The following NEMP2 variants were observed in gnomAD, a reference collection of about 807,000 sequenced individuals.
The protein encoded by NEMP2 is nuclear envelope integral membrane protein 2.
Under a neutral mutation model 54.2 loss-of-function variants are expected in NEMP2, and 53 were observed. That is an observed-to-expected ratio of 0.98 (90% CI 0.78 to 1.23). The LOEUF is 1.23. Ranked by LOEUF, NEMP2 falls within the 50% of genes most tolerant of loss-of-function variation. NEMP2 has a pLI of 0.00. For synonymous variants in NEMP2, 197 were observed against 190.3 expected, an observed-to-expected ratio of 1.04 and a Z score of -0.29; for missense variants, 455 against 511.3, an observed-to-expected ratio of 0.89 and a Z score of 1.06.
At chr2:190,610,672 A>G in the NEMP2 span, 1 of 152,408 alleles carries the variant, frequency 6.6e-6, no homozygotes, top group East Asian at 1.9e-4. The surrounding 1 kb of genome is among the most constrained non-coding windows in gnomAD (Gnocchi z 5.4). Flanking sequence ...ATATTGCCAT[A>G]AATTAAGAAT....
At chr2:190,548,720 T>C in the NEMP2 span, among the ~76,000 whole-genome samples, 3 of 152,248 alleles carry the variant, frequency 2.0e-5, no homozygotes, top group East Asian at 5.8e-4. Context: ...TTTATATCTA[T>C]CATGAAGTAA....
At chr2:190,442,803 T>G in the NEMP2 span, 2 of 152,094 alleles carry the variant, frequency 1.3e-5, no homozygotes, top group Non-Finnish European at 2.9e-5. Context: ...TGACACAATA[T>G]TGTAAGTCTG....
At chr2:190,431,306 G>A in the NEMP2 span, among the ~76,000 whole-genome samples, 3 of 152,072 alleles carry the variant, frequency 2.0e-5, no homozygotes, top group Non-Finnish European at 4.4e-5. This position sits in a 1 kb window ranked among gnomAD's most constrained non-coding sequence, Gnocchi z 4.4. Context: ...ACGGGGTGGC[G>A]GCCGGGCAGA....
the NEMP2 span, among the ~76,000 whole-genome samples, chr2:190,612,539 C>T: frequency 5.3e-5 from 8 of 152,108 alleles, no homozygotes; most frequent in Admixed American, 4.6e-4. Context: ...AATATCTTTT[C>T]TTTAATACCT....
chr2:190,524,604 AC>A (rs1690866843), intron 2 of NEMP2, among the ~76,000 whole-genome samples: 1 of 152,068 alleles, frequency 6.6e-6, no homozygotes, highest in Admixed American at 6.6e-5. Flanking sequence ...AACGAGAACT[AC>A]CCTGGCCAAT....
the NEMP2 span, chr2:190,477,432 CT>C: frequency 1.1e-6 from 1 of 882,240 alleles, no homozygotes; most frequent in African/African-American, 1.8e-5. Flanking sequence ...ATGCATATAA[CT>C]TTTTTATCCT....
chr2:190,541,059 G>A, the NEMP2 span, among the ~76,000 whole-genome samples: 4 of 151,916 alleles, frequency 2.6e-5, no homozygotes, highest in Admixed American at 2.6e-4. The surrounding 1 kb of genome is among the most constrained non-coding windows in gnomAD (Gnocchi z 5.2). Flanking sequence ...TGTGGTCTCA[G>A]TTGTTATGTC....
rs1338237359 is a variant in NEMP2 at position 190,504,639 on chromosome 2, G to C, written c.*4550C>G. On this transcript the variant is annotated 3_prime_UTR_variant, in exon 9 of 9. Transcript: ENST00000409150. The surrounding 1 kb of genome is among the most constrained non-coding windows in gnomAD (Gnocchi z 5.6). ...TTTCATTTTTCTTTTTCTTCTTAAA[G>C]GTGTCAACAAAAGTAAACAATTTTA... 1 of 152,018 alleles carries C rather than the reference G, an allele frequency of 6.6e-6. No individual in the cohort carries two copies. Among genetic ancestry groups the C allele is most frequent in the East Asian group, 1.9e-4 (1 of 5,188 alleles). The allele number at this position is 152,018 out of a possible 1,614,324, so 9.4% of individuals were successfully genotyped here. A position where few individuals can be genotyped will look rare whatever the true frequency, so the allele number is the denominator to read the frequency against.
the NEMP2 span, among the ~76,000 whole-genome samples, chr2:190,613,278 G>A: frequency 1.3e-5 from 2 of 151,370 alleles, no homozygotes; most frequent in Admixed American, 1.3e-4. Context: ...ACAAGATTAG[G>A]GTATTTTACT....
the NEMP2 span, among the ~76,000 whole-genome samples, chr2:190,430,353 C>T: frequency 1.3e-5 from 2 of 150,978 alleles, no homozygotes; most frequent in Non-Finnish European, 3.0e-5. Flanking sequence ...GACCCTGCGG[C>T]CTTCCGCAGT....
the NEMP2 span, chr2:190,444,884 TA>T: frequency 1.2e-6 from 1 of 835,992 alleles, no homozygotes; most frequent in Non-Finnish European, 1.4e-6. Flanking sequence ...AAAATCATAG[TA>T]AAAAGTGACG....
the NEMP2 span, among the ~76,000 whole-genome samples, chr2:190,647,710 C>CTTTTTTTTTTTTTT: frequency 2.9e-5 from 3 of 102,384 alleles, no homozygotes; most frequent in Admixed American, 1.3e-4. Flanking sequence ...TCTTCTTCTT[C>CTTTTTTTTTTTTTT]TTTTTTTTTT....
chr2:190,436,245 G>A, the NEMP2 span: 60 of 1,613,972 alleles, frequency 3.7e-5, no homozygotes, highest in African/African-American at 6.9e-4. The surrounding 1 kb of genome is among the most constrained non-coding windows in gnomAD (Gnocchi z 5.3). Flanking sequence ...TAATTTCCAA[G>A]GTCTTTTATT....
chr2:190,578,663 T>C, the NEMP2 span, among the ~76,000 whole-genome samples: 1 of 151,966 alleles, frequency 6.6e-6, no homozygotes, highest in East Asian at 1.9e-4. The surrounding 1 kb of genome is among the most constrained non-coding windows in gnomAD (Gnocchi z 4.4). Context: ...GTGGGTGTGT[T>C]TGCAGAGGAA....
the NEMP2 span, among the ~76,000 whole-genome samples, chr2:190,470,240 T>C: frequency 6.6e-6 from 1 of 152,232 alleles, no homozygotes; most frequent in African/African-American, 2.4e-5. Flanking sequence ...GAAAAAAAGA[T>C]TGTTGTCATA....
At position 190,519,656 on chromosome 2, in the gene NEMP2, T is replaced by C. The variant is rs1478868280; in HGVS notation, c.214-473A>G. ...CAGAGGTGGACTCAAGAGATCTGTA[T>C]TTAGTCCAAACACACGCTGAACCAC... is the stretch of plus-strand genomic sequence containing the variant. On this transcript the variant is annotated intron_variant, in intron 2 of 8. Transcript: ENST00000409150. This position sits in a 1 kb window ranked among gnomAD's most constrained non-coding sequence, Gnocchi z 5.4. Among the ~76,000 whole-genome samples the C allele has an allele frequency of 8.5e-5, 13 of 152,248 alleles. No individual in the cohort carries two copies. The highest frequency in any genetic ancestry group is 8.5e-4 in the Admixed American group (13 of 15,288).
At chr2:190,459,820 T>C in the NEMP2 span, among the ~76,000 whole-genome samples, 2 of 152,344 alleles carry the variant, frequency 1.3e-5, no homozygotes, top group African/African-American at 4.8e-5. The surrounding 1 kb of genome is among the most constrained non-coding windows in gnomAD (Gnocchi z 5.3). Context: ...AAATTACTTT[T>C]ACCTTTTCTC....
chr2:190,570,720 A>G, the NEMP2 span, among the ~76,000 whole-genome samples: 2 of 152,246 alleles, frequency 1.3e-5, no homozygotes, highest in South Asian at 2.1e-4. The surrounding 1 kb of genome is among the most constrained non-coding windows in gnomAD (Gnocchi z 5.4). Context: ...AGCTGTAAGC[A>G]TGGATGCAAA....
the NEMP2 span, among the ~76,000 whole-genome samples, chr2:190,487,124 C>T: frequency 7.2e-5 from 11 of 151,978 alleles, no homozygotes; most frequent in African/African-American, 2.4e-4. The surrounding 1 kb of genome is among the most constrained non-coding windows in gnomAD (Gnocchi z 5.5). Flanking sequence ...AGGTGGATCA[C>T]GAGGTCAAGA....
Sources: allele counts gnomAD v4.1 joint callset (sites outside exome capture counted in the v4.1 genomes callset), GRCh38; gene constraint gnomAD v4.1.1; non-coding constraint Gnocchi (gnomAD v3.1); transcripts MANE v1.5; gene names NCBI Gene and HGNC (gene_info 2026-07-23, HGNC 2026-07-21).